ZNF560: variants seen among roughly 807,000 people sequenced by gnomAD.
ZNF560 encodes the protein zinc finger protein 560.
In ZNF560, 54 loss-of-function variants were observed where a neutral mutation model predicts 81.8. The ratio of observed to expected loss-of-function variants is 0.66; its 90% confidence interval spans 0.53 to 0.83. The LOEUF (loss-of-function observed/expected upper bound fraction) is 0.83, where lower values mean the gene tolerates loss of function less well. ZNF560 is among the 40% of genes least tolerant of loss of function. ZNF560 has a pLI of 0.00. For missense variants in ZNF560, 940 were observed against 932.4 expected, an observed-to-expected ratio of 1.01 and a Z score of -0.11; for synonymous variants, 321 against 317.9, an observed-to-expected ratio of 1.01 and a Z score of -0.10.
At chr19:9,468,913 A>G (rs2073078827) in intron 9 of ZNF560, among the ~76,000 whole-genome samples, 192 bp downstream of exon 9, 1 of 151,904 alleles carries the variant, frequency 6.6e-6, no homozygotes, top group Admixed American at 6.6e-5. Flanking sequence ...TATTTTTAGT[A>G]GAGATGGGGT....
intron 2 of ZNF560, among the ~76,000 whole-genome samples, chr19:9,494,130 C>CA (rs891546578): frequency 0.1 from 6,963 of 66,622 alleles, 550 homozygotes; most frequent in African/African-American, 0.25. Flanking sequence ...GACTCCATCT[C>CA]AAAAAAAAAA....
the ZNF560 span, among the ~76,000 whole-genome samples, chr19:9,460,086 C>T: frequency 1.3e-5 from 2 of 152,026 alleles, no homozygotes; most frequent in Admixed American, 1.3e-4. Context: ...TTGTGTTTCT[C>T]CAGGACAGAA....
At chr19:9,483,895 G>A (rs1342912235) in intron 2 of ZNF560, among the ~76,000 whole-genome samples, 1 of 123,832 alleles carries the variant, frequency 8.1e-6, no homozygotes, top group African/African-American at 3.2e-5. Context: ...GATTGTTGCT[G>A]TGTCTGTGTA....
In ZNF560 at chr19:9,466,700, G is replaced by A. The variant is rs2073023725; in HGVS notation, c.2247C>T (p.Phe749=). 2 of 1,613,966 alleles carry A rather than the reference G, an allele frequency of 1.2e-6. No homozygotes were observed. Among genetic ancestry groups the A allele is most frequent in the African/African-American group, 2.7e-5 (2 of 74,896 alleles). Residue 749 remains phenylalanine (F), a synonymous_variant, in exon 10 of 10, where the codon TTC becomes TTT. Transcript: ENST00000301480. ...GTTGAATACGTCCTGAGGATGTACG[G>A]AAGGCCTTCCCACATTCCTTACATT... ...PYKCKECGKA[F]RTSSGRIQHL...
intron 2 of ZNF560, among the ~76,000 whole-genome samples, chr19:9,496,851 G>A (rs956106789): frequency 2.0e-5 from 3 of 151,738 alleles, no homozygotes; most frequent in Admixed American, 1.3e-4. Flanking sequence ...CAGGAGAATC[G>A]CTTGAACCAG....
the ZNF560 span, among the ~76,000 whole-genome samples, chr19:9,448,854 T>C: frequency 6.6e-6 from 1 of 151,906 alleles, no homozygotes; most frequent in Non-Finnish European, 1.5e-5. Context: ...ATCATGCAAA[T>C]GCAAAACAAA....
At chr19:9,447,049 G>A in the ZNF560 span, among the ~76,000 whole-genome samples, 32 of 149,912 alleles carry the variant, frequency 2.1e-4, no homozygotes, top group South Asian at 6.3e-4. Flanking sequence ...CAGGAGAATC[G>A]CTTGAACCTG....
At chr19:9,447,975 G>T in the ZNF560 span, among the ~76,000 whole-genome samples, 2 of 152,082 alleles carry the variant, frequency 1.3e-5, no homozygotes, top group African/African-American at 4.8e-5. Context: ...TGGCACATCA[G>T]GTACAAAGGG....
chr19:9,506,341 T>C, the ZNF560 span, among the ~76,000 whole-genome samples: 13 of 151,902 alleles, frequency 8.6e-5, no homozygotes, highest in Non-Finnish European at 1.2e-4. Context: ...TCCAAAGTTA[T>C]ATTATTTGAA....
downstream of ZNF560, among the ~76,000 whole-genome samples, chr19:9,466,232 G>C (rs1346766769): frequency 6.6e-6 from 1 of 151,592 alleles, no homozygotes; most frequent in Non-Finnish European, 1.5e-5. Context: ...TGTAATCCCA[G>C]CTACTCAGGA....
Position 9,467,398 on chromosome 19 carries a change from T to TA in ZNF560, c.1548dup (p.Lys517Ter). On this transcript the variant is annotated frameshift_variant, in exon 10 of 10. Coordinates refer to ENST00000301480, the MANE Select transcript of ZNF560 (RefSeq NM_152476.3). LOFTEE classifies it high-confidence loss of function. ...AATGGTTTCCCACATTTGTAACACT[T>TA]AAAGGGCTTCTCACCAGTGTGAGTT... The TA allele has an allele frequency of 1.2e-6, 2 of 1,614,118 alleles. No individual in the cohort carries two copies. The highest frequency in any genetic ancestry group is 1.3e-5 in the African/African-American group (1 of 75,030).
At chr19:9,495,402 A>G (rs1321171198) in intron 2 of ZNF560, among the ~76,000 whole-genome samples, 1 of 152,178 alleles carries the variant, frequency 6.6e-6, no homozygotes, top group African/African-American at 2.4e-5. Flanking sequence ...TAAAATATAA[A>G]CCAAAACACT....
intron 2 of ZNF560, among the ~76,000 whole-genome samples, chr19:9,490,341 A>G (rs1019522369): frequency 6.6e-6 from 1 of 152,228 alleles, no homozygotes; most frequent in Non-Finnish European, 1.5e-5. Flanking sequence ...CTTGAGTGCC[A>G]AAAACCAAGT....
At chr19:9,452,370 T>C in the ZNF560 span, among the ~76,000 whole-genome samples, 1 of 152,114 alleles carries the variant, frequency 6.6e-6, no homozygotes, top group Non-Finnish European at 1.5e-5. Flanking sequence ...ATAACAAAGC[T>C]ACCACTCTAA....
the ZNF560 span, among the ~76,000 whole-genome samples, chr19:9,449,409 A>G: frequency 6.6e-6 from 1 of 152,228 alleles, no homozygotes; most frequent in Admixed American, 6.5e-5. Flanking sequence ...TTTTGGGTAA[A>G]CAGCTAAATT....
At chr19:9,456,861 A>G in the ZNF560 span, among the ~76,000 whole-genome samples, 1 of 152,214 alleles carries the variant, frequency 6.6e-6, no homozygotes, top group Admixed American at 6.5e-5. Flanking sequence ...GAGCAATTAT[A>G]CAGCCCTCAA....
the ZNF560 span, among the ~76,000 whole-genome samples, chr19:9,505,157 C>T: frequency 1.3e-5 from 2 of 152,188 alleles, no homozygotes; most frequent in East Asian, 1.9e-4. Context: ...AACTCCTAGG[C>T]TCAAGCAATC....
chr19:9,500,735 TG>T, upstream of ZNF560, among the ~76,000 whole-genome samples: 1 of 152,090 alleles, frequency 6.6e-6, no homozygotes, highest in Middle Eastern at 3.4e-3. Context: ...CCACAACACC[TG>T]GCTAATTTTT....
chr19:9,472,563 T>C (rs963494364), intron 5 of ZNF560, among the ~76,000 whole-genome samples: 1 of 152,212 alleles, frequency 6.6e-6, no homozygotes, highest in Non-Finnish European at 1.5e-5. Flanking sequence ...GAGAATCTAA[T>C]GCCTGATGAT....
Sources: gnomAD v4.1 joint callset for allele counts (sites outside exome capture counted in the v4.1 genomes callset) on GRCh38, gnomAD v4.1.1 for gene constraint, MANE v1.5 for transcripts, NCBI Gene and HGNC (gene_info 2026-07-23, HGNC 2026-07-21) for gene names.